RBFOX1: variants seen among roughly 807,000 people sequenced by gnomAD.
The protein encoded by RBFOX1 is RNA binding fox-1 homolog 1, also known as RNA binding protein fox-1 homolog 1.
In RBFOX1, 8 loss-of-function variants were observed where a neutral mutation model predicts 57.7. The ratio of observed to expected loss-of-function variants is 0.14; its 90% CI spans 0.08 to 0.25. RBFOX1 has a LOEUF of 0.25. RBFOX1 is among the 10% of genes least tolerant of loss of function. RBFOX1 has a pLI of 1.00. For synonymous variants in RBFOX1, 326 were observed against 222.4 expected, an observed-to-expected ratio of 1.47 and a Z score of -4.15; for missense variants, 611 against 548.5, an observed-to-expected ratio of 1.11 and a Z score of -1.14.
intron 4 of RBFOX1, among the ~76,000 whole-genome samples, chr16:7,347,284 T>G (rs148497166): frequency 6.6e-6 from 1 of 152,178 alleles, no homozygotes; most frequent in Non-Finnish European, 1.5e-5. Context: ...TTATTGGGCT[T>G]ACAGTTCCAG....
chr16:6,501,409 C>A (rs1014863852), intron 2 of RBFOX1, among the ~76,000 whole-genome samples: 10 of 149,760 alleles, frequency 6.7e-5, no homozygotes, highest in African/African-American at 2.5e-4. Flanking sequence ...TTTGTCCTTG[C>A]GATAGTTTGC....
chr16:6,755,193 G>T (rs1255831526), intron 3 of RBFOX1, among the ~76,000 whole-genome samples: 1 of 152,212 alleles, frequency 6.6e-6, no homozygotes, highest in Non-Finnish European at 1.5e-5. Flanking sequence ...ATAGCAGCAT[G>T]ATTTATAGTC....
chr16:7,351,342 C>T (rs1427341013), intron 4 of RBFOX1, among the ~76,000 whole-genome samples: 2 of 152,222 alleles, frequency 1.3e-5, no homozygotes, highest in African/African-American at 4.8e-5. Flanking sequence ...TAGTTCATTC[C>T]TTTGATAATT....
At chr16:6,366,905 G>T (rs927978341) in intron 2 of RBFOX1, among the ~76,000 whole-genome samples, 5 of 152,208 alleles carry the variant, frequency 3.3e-5, no homozygotes, top group African/African-American at 1.2e-4. Flanking sequence ...GCATGCCATT[G>T]TGGGTTCTTC....
chr16:6,404,579 T>C (rs2093205529), intron 2 of RBFOX1, among the ~76,000 whole-genome samples: 1 of 152,182 alleles, frequency 6.6e-6, no homozygotes, highest in Non-Finnish European at 1.5e-5. Flanking sequence ...TTTTTGATCC[T>C]TTTTCTTCTT....
At chr16:6,421,915 C>T (rs894436820) in intron 2 of RBFOX1, among the ~76,000 whole-genome samples, 30 of 148,086 alleles carry the variant, frequency 2.0e-4, no homozygotes, top group South Asian at 1.1e-3. Flanking sequence ...TGTTTAGGGA[C>T]CAGACCTTTT....
chr16:6,740,215 C>T (rs1430823351), intron 3 of RBFOX1, among the ~76,000 whole-genome samples: 2 of 152,064 alleles, frequency 1.3e-5, no homozygotes, highest in Non-Finnish European at 2.9e-5. Context: ...AAAATTGATA[C>T]ACAACCAGAA....
chr16:5,392,745 A>C (rs943932823), intron 1 of RBFOX1, among the ~76,000 whole-genome samples: 32 of 152,166 alleles, frequency 2.1e-4, no homozygotes, highest in African/African-American at 7.2e-4. Context: ...AAATGTGCTC[A>C]TCTAGGCAAG....
At chr16:6,817,771 C>A (rs879397144) in intron 3 of RBFOX1, among the ~76,000 whole-genome samples, 3 of 152,092 alleles carry the variant, frequency 2.0e-5, no homozygotes, top group Non-Finnish European at 4.4e-5. Flanking sequence ...TTAAGTACAT[C>A]TGTTAAACTT....
rs867575589 is a variant in RBFOX1, at chr16:5,692,205, G to T, written c.318+93244G>T. Among the ~76,000 whole-genome samples the T allele has an allele frequency of 7.1e-5, 10 of 141,058 alleles. No homozygotes were observed. In the East Asian group the frequency reaches 2.0e-3, roughly 28 times the overall value. 92.5% of individuals were successfully genotyped at this position (141,058 alleles called of 152,430 possible). ...TGTGTGTGTGTGTGTGTGTGTGTGTGTGTGTGTGTTTGTGTTTCACTGCTA... is the reference window on the plus strand; with the variant it reads ...TGTGTGTGTGTGTGTGTGTGTGTGTTTGTGTGTGTTTGTGTTTCACTGCTA... On this transcript the variant is annotated intron_variant, in intron 3 of 19. Coordinates refer to the RBFOX1 transcript ENST00000641259.
At chr16:7,359,935 G>C (rs1024946986) in intron 4 of RBFOX1, among the ~76,000 whole-genome samples, 1 of 150,178 alleles carries the variant, frequency 6.7e-6, no homozygotes, top group Admixed American at 6.6e-5. Context: ...AGTGAGCCGA[G>C]ATCGCGCCAC....
chr16:6,443,197 C>G (rs188699797), intron 2 of RBFOX1, among the ~76,000 whole-genome samples: 12 of 152,298 alleles, frequency 7.9e-5, no homozygotes, highest in East Asian at 5.8e-4. Flanking sequence ...ATATTCCTTT[C>G]CGGCTGAATC....
At chr16:7,401,272 T>C (rs1455440227) in intron 4 of RBFOX1, among the ~76,000 whole-genome samples, 2 of 152,232 alleles carry the variant, frequency 1.3e-5, no homozygotes, top group South Asian at 2.1e-4. Context: ...CAAAAATATA[T>C]AGAGAAAAAG....
At chr16:5,420,877 C>G (rs1242103999) in intron 1 of RBFOX1, among the ~76,000 whole-genome samples, 1 of 54,268 alleles carries the variant, frequency 1.8e-5, no homozygotes, top group Non-Finnish European at 3.7e-5. Flanking sequence ...TCCTCTCCCT[C>G]CCTCCCCCTC....
At chr16:6,826,489 G>A (rs142450063) in intron 3 of RBFOX1, among the ~76,000 whole-genome samples, 1 of 152,154 alleles carries the variant, frequency 6.6e-6, no homozygotes. Flanking sequence ...ACCTAGAACA[G>A]TGCCTGGTAT....
At chr16:7,060,344 T>C (rs1405556243) in intron 4 of RBFOX1, among the ~76,000 whole-genome samples, 1 of 152,158 alleles carries the variant, frequency 6.6e-6, no homozygotes, top group Non-Finnish European at 1.5e-5. Flanking sequence ...GTGGGAAGGT[T>C]AATGAGGGAT....
At chr16:6,211,832 A>AC (rs2097300373) in intron 1 of RBFOX1, among the ~76,000 whole-genome samples, 1 of 149,296 alleles carries the variant, frequency 6.7e-6, no homozygotes, top group African/African-American at 2.5e-5. Flanking sequence ...TTATTTATTT[A>AC]TTTATTTATT....
chr16:7,431,367 C>T (rs147634412), intron 4 of RBFOX1: 4 of 151,936 alleles, frequency 2.6e-5, no homozygotes, highest in Non-Finnish European at 5.9e-5. Flanking sequence ...GCTGGGGCTA[C>T]AGGTCTGCAC....
At chr16:7,258,862 A>G (rs1414001278) in intron 4 of RBFOX1, among the ~76,000 whole-genome samples, 1 of 152,180 alleles carries the variant, frequency 6.6e-6, no homozygotes, top group Non-Finnish European at 1.5e-5. Flanking sequence ...TAAAATTATT[A>G]GGGCTCCTGG....
Sources: gnomAD v4.1 joint callset for allele counts (sites outside exome capture counted in the v4.1 genomes callset) on GRCh38, gnomAD v4.1.1 for gene constraint, MANE v1.5 for transcripts, NCBI Gene and HGNC (gene_info 2026-07-23, HGNC 2026-07-21) for gene names.